RALYL: variants seen among roughly 807,000 people sequenced by gnomAD.
The protein encoded by RALYL is RNA-binding Raly-like protein.
In RALYL, 29 loss-of-function variants were observed where a neutral mutation model predicts 35.1. The ratio of observed to expected loss-of-function variants is 0.83; its 90% CI spans 0.61 to 1.13. RALYL has a LOEUF of 1.13. Ranked by LOEUF, RALYL falls within the 50% of genes most tolerant of loss-of-function variation. The probability of loss-of-function intolerance (pLI) is 0.00; values close to 1 mark genes in which losing one functional copy is unlikely to be tolerated. For synonymous variants in RALYL, 120 were observed against 127.6 expected (o/e 0.94, Z 0.40); for missense variants, 359 against 360.4 (o/e 1.00, Z 0.03).
intron 2 of RALYL, among the ~76,000 whole-genome samples, chr8:84,539,919 G>GACAT (rs2059907955): frequency 7.1e-6 from 1 of 140,890 alleles, no homozygotes; most frequent in Non-Finnish European, 1.5e-5. Context: ...TACATGCACA[G>GACAT]ACATACACAC....
intron 2 of RALYL, among the ~76,000 whole-genome samples, chr8:84,576,061 G>A (rs1371741534): frequency 6.6e-6 from 1 of 151,910 alleles, no homozygotes; most frequent in Admixed American, 6.6e-5. Flanking sequence ...TTTTACAATG[G>A]CATAGCCAAT....
chr8:84,900,815 G>A (rs1364987295), intron 8 of RALYL, among the ~76,000 whole-genome samples: 1 of 152,176 alleles, frequency 6.6e-6, no homozygotes, highest in Non-Finnish European at 1.5e-5. Context: ...AAATAGCAAT[G>A]GATGAAGTTA....
rs62529184 is a variant in RALYL at position 84,223,558 on chromosome 8, C to A, written c.-24+39134C>A. On this transcript the variant is annotated intron_variant, in intron 1 of 8. Transcript: ENST00000521268. ...AAATAGCAGGGTGTTGCACCATGAA[C>A]CCTGATTGACCCATGAGTTGGTTAT... 8.9e-4 allele frequency among the ~76,000 whole-genome samples: 135 copies of A among 152,202 alleles called. 2 individuals carry two copies. The highest frequency in any genetic ancestry group is 1.5e-3 in the Non-Finnish European group (103 of 68,020).
chr8:84,878,887 A>G (rs1245101649), intron 7 of RALYL, among the ~76,000 whole-genome samples: 1 of 152,148 alleles, frequency 6.6e-6, no homozygotes, highest in Admixed American at 6.5e-5. Context: ...GGTCATCTGT[A>G]TTCATTCTGA....
intron 1 of RALYL, among the ~76,000 whole-genome samples, chr8:84,199,947 T>C (rs1483073998): frequency 6.6e-6 from 1 of 152,210 alleles, no homozygotes; most frequent in African/African-American, 2.4e-5. Flanking sequence ...AAGGTAATAG[T>C]GTAGCCTGGG....
chr8:84,346,932 G>A (rs1043341633), intron 1 of RALYL, among the ~76,000 whole-genome samples: 2 of 152,022 alleles, frequency 1.3e-5, no homozygotes, highest in Non-Finnish European at 2.9e-5. Context: ...AGGCACGGTG[G>A]TTCACACCTG....
chr8:84,620,929 C>T (rs1451474082), intron 2 of RALYL, among the ~76,000 whole-genome samples: 2 of 152,288 alleles, frequency 1.3e-5, no homozygotes, highest in East Asian at 1.9e-4. Context: ...CAGGGACCCA[C>T]TTGAGGAGGC....
intron 1 of RALYL, among the ~76,000 whole-genome samples, chr8:84,301,664 G>T (rs955415786): frequency 6.6e-5 from 10 of 151,796 alleles, no homozygotes; most frequent in Non-Finnish European, 1.5e-4. Flanking sequence ...ACATCCATAG[G>T]GGAAAATAAT....
chr8:84,858,181 TAAG>T (rs1323546726), intron 5 of RALYL, among the ~76,000 whole-genome samples: 1 of 151,978 alleles, frequency 6.6e-6, no homozygotes, highest in African/African-American at 2.4e-5. Context: ...AAAGGCAAAA[TAAG>T]AAAAGGGTAC....
intron 1 of RALYL, among the ~76,000 whole-genome samples, chr8:84,223,150 T>C (rs60551365): frequency 7.7e-6 from 1 of 130,674 alleles, no homozygotes; most frequent in South Asian, 2.4e-4. Flanking sequence ...TTCCTTTCCT[T>C]TCCTTTCTTT....
intron 2 of RALYL, among the ~76,000 whole-genome samples, chr8:84,661,034 T>G (rs1179826565): frequency 6.6e-6 from 1 of 152,090 alleles, no homozygotes; most frequent in Non-Finnish European, 1.5e-5. Context: ...GTTCACGCCA[T>G]TCTCCTGCCT....
At chr8:84,671,312 C>T (rs1833181195) in intron 2 of RALYL, among the ~76,000 whole-genome samples, 1 of 152,248 alleles carries the variant, frequency 6.6e-6, no homozygotes. Context: ...GTGTCTTTTC[C>T]AGGTACACAG....
chr8:84,625,584 C>G lies in RALYL; in HGVS notation c.256+96007C>G, dbSNP rs945791018. Among the ~76,000 whole-genome samples, 4 of 152,082 alleles carry G rather than the reference C, an allele frequency of 2.6e-5. 1 individual carries two copies. The highest frequency in any genetic ancestry group is 9.7e-5 in the African/African-American group (4 of 41,404). ...TTTTCTAAGTGCTTTATTATTTTAACCTTCATAGAGATCCCATAAAGTAGA... is the reference window on the plus strand; with the variant it reads ...TTTTCTAAGTGCTTTATTATTTTAAGCTTCATAGAGATCCCATAAAGTAGA... On this transcript the variant is annotated intron_variant, in intron 2 of 8. Coordinates refer to ENST00000521268, the MANE Select transcript of RALYL (RefSeq NM_173848.7).
At chr8:84,279,840 C>A (rs544451521) in intron 1 of RALYL, among the ~76,000 whole-genome samples, 12 of 152,278 alleles carry the variant, frequency 7.9e-5, no homozygotes, top group African/African-American at 2.9e-4. Context: ...CTCAGCTAAT[C>A]CAGGATAATT....
At chr8:84,735,841 A>AGAGAGAGAGAGAGAGAGAAC (rs1180314583) in intron 2 of RALYL, among the ~76,000 whole-genome samples, 8 of 150,520 alleles carry the variant, frequency 5.3e-5, no homozygotes, top group African/African-American at 2.0e-4. Flanking sequence ...AGAGAGAGAG[A>AGAGAGAGAGAGAGAGAGAAC]GAGAGAGAAC....
At chr8:84,847,048 A>G (rs949227896) in intron 4 of RALYL, among the ~76,000 whole-genome samples, 2 of 151,998 alleles carry the variant, frequency 1.3e-5, no homozygotes, top group Non-Finnish European at 2.9e-5. Context: ...TTAGACTGTT[A>G]ATTTGGGAGT....
intron 1 of RALYL, among the ~76,000 whole-genome samples, chr8:84,251,061 A>G (rs537948108): frequency 1.3e-4 from 20 of 152,278 alleles, no homozygotes; most frequent in African/African-American, 4.8e-4. Context: ...AAAACACAAC[A>G]TGACAGGTAA....
At chr8:84,706,919 A>G (rs1332330324) in intron 2 of RALYL, among the ~76,000 whole-genome samples, 1 of 152,102 alleles carries the variant, frequency 6.6e-6, no homozygotes, top group African/African-American at 2.4e-5. Flanking sequence ...CACTGTCTCT[A>G]TTTATCGTCA....
chr8:84,801,102 A>C (rs1331015067), intron 3 of RALYL, among the ~76,000 whole-genome samples: 2 of 152,198 alleles, frequency 1.3e-5, no homozygotes, highest in African/African-American at 4.8e-5. Flanking sequence ...TTGGTTTCAA[A>C]GCAGAGCATC....
Sources: gnomAD v4.1 joint callset for allele counts (sites outside exome capture counted in the v4.1 genomes callset) on GRCh38, gnomAD v4.1.1 for gene constraint, MANE v1.5 for transcripts, NCBI Gene and HGNC (gene_info 2026-07-23, HGNC 2026-07-21) for gene names.